The following MGAT5B variants were observed in gnomAD, a reference collection of about 807,000 sequenced individuals.
MGAT5B encodes N-acetylglucosaminyl-transferase Vb.
A neutral mutation model predicts 95.1 loss-of-function variants in MGAT5B; 54 were observed. That is an observed-to-expected ratio of 0.57 (90% CI 0.46 to 0.71). MGAT5B has a LOEUF of 0.71. Ranked by LOEUF, MGAT5B falls within the 30% of genes least tolerant of loss-of-function variation. The probability of loss-of-function intolerance (pLI) is 0.00; values close to 1 mark genes in which losing one functional copy is unlikely to be tolerated. For missense variants in MGAT5B, 935 were observed against 1,088.6 expected, an observed-to-expected ratio of 0.86 and a Z score of 1.99; for synonymous variants, 464 against 451.0, an observed-to-expected ratio of 1.03 and a Z score of -0.36.
In MGAT5B at chr17:76,916,809, G is replaced by A. The variant is rs1388535769; in HGVS notation, c.1026-8157G>A. 4.6e-5 allele frequency among the ~76,000 whole-genome samples: 7 copies of A among 152,154 alleles called. No individual in the cohort carries two copies. Among genetic ancestry groups the A allele is most frequent in the South Asian group, 2.1e-4 (1 of 4,820 alleles). ...TCTGCCAAGGACAGACCAAGAGAGC[G>A]TCTTGTCAGATGGTGGCTGGAGAGG... On this transcript the variant is annotated intron_variant, in intron 8 of 17. Coordinates refer to ENST00000569840, the MANE Select transcript of MGAT5B (RefSeq NM_001199172.2). The surrounding 1 kb of genome is among the most constrained non-coding windows in gnomAD (Gnocchi z 5.3).
At chr17:76,885,875 A>T (rs1348880008) in intron 3 of MGAT5B, among the ~76,000 whole-genome samples, 1 of 152,154 alleles carries the variant, frequency 6.6e-6, no homozygotes, top group Non-Finnish European at 1.5e-5. Flanking sequence ...ATCCTGCAGG[A>T]GTGCCTGCTG....
At chr17:76,880,940 G>T (rs140387110) in intron 2 of MGAT5B, among the ~76,000 whole-genome samples, 13 of 152,270 alleles carry the variant, frequency 8.5e-5, no homozygotes, top group African/African-American at 2.9e-4. Context: ...CCAACCCACG[G>T]CATCCTCCAT....
intron 1 of MGAT5B, among the ~76,000 whole-genome samples, chr17:76,871,345 G>A (rs1044280301): frequency 3.3e-5 from 5 of 152,102 alleles, no homozygotes; most frequent in South Asian, 4.2e-4. Context: ...GCGTCCCTCT[G>A]CGCTAAGGAA....
At chr17:76,910,027 G>A (rs1968674440) in intron 8 of MGAT5B, among the ~76,000 whole-genome samples, 2 of 152,158 alleles carry the variant, frequency 1.3e-5, no homozygotes, top group African/African-American at 4.8e-5. Context: ...GGGCTCTGGG[G>A]GAGGAAATTC....
Position 76,917,322 on chromosome 17 carries a change from T to G in MGAT5B, c.1026-7644T>G, listed in dbSNP as rs1307782434. ...ATTTCTCAGCTGCCCCTGGCTTCAC[T>G]TTCTTGTTGGGTCTCGGGGGTGCCT... On this transcript the variant is annotated intron_variant, in intron 8 of 17. Coordinates refer to ENST00000569840, the MANE Select transcript of MGAT5B (RefSeq NM_001199172.2). The surrounding 1 kb of genome is among the most constrained non-coding windows in gnomAD (Gnocchi z 6.1). 6.6e-6 allele frequency among the ~76,000 whole-genome samples: 1 copy of G among 151,740 alleles called. No individual in the cohort carries two copies. Among genetic ancestry groups the G allele is most frequent in the Non-Finnish European group, 1.5e-5 (1 of 67,942 alleles).
chr17:76,924,971 TA>T lies in MGAT5B; in HGVS notation c.1032del (p.Val346TyrfsTer29). On this transcript the variant is annotated frameshift_variant, in exon 9 of 18. Transcript: ENST00000569840. LOFTEE classifies it high-confidence loss of function. ...TVSLKELQSNLGVPPGRGSCP... is the reference protein window; with the variant it reads ...TVSLKELQSNXGVPPGRGSCP... ...CTGAAGGGCTCTTCTCTCAGTAACT[TA>T]GGGGTACCGCCAGGCCGGGGAAGCT... 1 of 1,611,912 alleles carries T rather than the reference TA, an allele frequency of 6.2e-7. No individual in the cohort carries two copies.
intron 2 of MGAT5B, among the ~76,000 whole-genome samples, chr17:76,874,996 G>A (rs1266808027): frequency 2.0e-5 from 3 of 152,080 alleles, no homozygotes; most frequent in African/African-American, 7.2e-5. Flanking sequence ...CTTTTTAATG[G>A]GGTATCATAT....
rs184207807 is a variant in MGAT5B, at chr17:76,915,208, G to A, written c.1025+9021G>A. 3.5e-4 allele frequency among the ~76,000 whole-genome samples: 54 copies of A among 152,210 alleles called. No individual in the cohort carries two copies. Among genetic ancestry groups the A allele is most frequent in the African/African-American group, 1.3e-3 (53 of 41,464 alleles). ...CAGTAGGGAGGTTGTGGACATAGGAGGGAGAGAGTATTGCTGGCAGTGGCT... is the reference window on the plus strand; with the variant it reads ...CAGTAGGGAGGTTGTGGACATAGGAAGGAGAGAGTATTGCTGGCAGTGGCT... On this transcript the variant is annotated intron_variant, in intron 8 of 17. Coordinates refer to ENST00000569840, the MANE Select transcript of MGAT5B (RefSeq NM_001199172.2). This position sits in a 1 kb window ranked among gnomAD's most constrained non-coding sequence, Gnocchi z 8.7.
intron 10 of MGAT5B, among the ~76,000 whole-genome samples, chr17:76,931,305 C>A (rs2145253217): frequency 6.6e-6 from 1 of 152,310 alleles, no homozygotes; most frequent in Admixed American, 6.5e-5. Context: ...CCACGTTGGC[C>A]AGGCTGGTCT....
Position 76,924,969 on chromosome 17 carries a change from C to T in MGAT5B, c.1029C>T (p.Asn343=), listed in dbSNP as rs749385081. The change falls in exon 9 of 18, where the codon AAC becomes AAT. Residue 343 remains asparagine (N), a synonymous_variant. Coordinates refer to ENST00000569840, the MANE Select transcript of MGAT5B (RefSeq NM_001199172.2). ...VTVSLKELQS[N]LGVPPGRGSC... is the part of the protein sequence containing the mutation. ...ATCTGAAGGGCTCTTCTCTCAGTAA[C>T]TTAGGGGTACCGCCAGGCCGGGGAA... 1.9e-6 allele frequency: 3 copies of T among 1,612,100 alleles called. No homozygotes were observed. Among genetic ancestry groups the T allele is most frequent in the South Asian group, 1.1e-5 (1 of 91,062 alleles).
intron 4 of MGAT5B, among the ~76,000 whole-genome samples, chr17:76,902,906 G>T (rs919047938): frequency 2.0e-5 from 3 of 152,180 alleles, no homozygotes; most frequent in African/African-American, 7.2e-5. Flanking sequence ...AGCTTCTGGG[G>T]TCCACAGTTC....
intron 12 of MGAT5B, among the ~76,000 whole-genome samples, chr17:76,936,829 T>G (rs2145267649): frequency 6.6e-6 from 1 of 152,328 alleles, no homozygotes; most frequent in Non-Finnish European, 1.5e-5. Context: ...TACCACACTA[T>G]CTGGATTACT....
chr17:76,924,867 C>A, intron 8 of MGAT5B, 99 bp from the exon 9 acceptor site: 1 of 1,441,292 alleles, frequency 6.9e-7, no homozygotes, highest in Non-Finnish European at 9.6e-7. Context: ...GCTAAGCTCT[C>A]TGCACTTGTA....
chr17:76,926,672 C>A lies in MGAT5B; in HGVS notation c.1233C>A (p.Gly411=), dbSNP rs1182517966. The A allele has an allele frequency of 1.2e-6, 2 of 1,612,662 alleles. No individual in the cohort carries two copies. Among genetic ancestry groups the A allele is most frequent in the African/African-American group, 2.7e-5 (2 of 74,938 alleles). ...ACGAGGAGTACGCCACGCTGCACGG[C>A]TACCGGACCAACTGGGGCTACTGGA... is the stretch of plus-strand genomic sequence containing the variant. ...YNHEEYATLH[G]YRTNWGYWNL... The change falls in exon 10 of 18, where the codon GGC becomes GGA. Residue 411 remains glycine (G), a synonymous_variant. Coordinates refer to ENST00000569840, the MANE Select transcript of MGAT5B (RefSeq NM_001199172.2).
chr17:76,946,326 C>T (rs767176105), intron 15 of MGAT5B, 50 bp from the exon 16 acceptor site: 16 of 1,517,806 alleles, frequency 1.1e-5, no homozygotes, highest in South Asian at 3.6e-5. Flanking sequence ...GCAGGGCCCC[C>T]GACGGCTGGG....
chr17:76,917,226 G>A lies in MGAT5B; in HGVS notation c.1026-7740G>A, dbSNP rs187428458. 8.7e-4 allele frequency among the ~76,000 whole-genome samples: 132 copies of A among 152,316 alleles called. No individual in the cohort carries two copies. The highest frequency in any genetic ancestry group is 1.3e-3 in the Non-Finnish European group (91 of 68,030). On this transcript the variant is annotated intron_variant, in intron 8 of 17. Coordinates refer to ENST00000569840, the MANE Select transcript of MGAT5B (RefSeq NM_001199172.2). This position sits in a 1 kb window ranked among gnomAD's most constrained non-coding sequence, Gnocchi z 6.1. ...TACGAGTGCGCTGACTGATGAGCCAGGCAGGTCCGAATGTTCCTCGAAGTC... is the reference window on the plus strand; with the variant it reads ...TACGAGTGCGCTGACTGATGAGCCAAGCAGGTCCGAATGTTCCTCGAAGTC...
chr17:76,932,083 CCT>C lies in MGAT5B; in HGVS notation c.1292-560_1292-559del, dbSNP rs1491034363. 1.4e-3 allele frequency among the ~76,000 whole-genome samples: 89 copies of C among 64,568 alleles called. 1 individual carries two copies. In the East Asian group the frequency reaches 0.021, roughly 15 times the overall value. The allele number at this position is 64,568 out of a possible 152,430, so 42.4% of individuals were successfully genotyped here. ...CTCCTTTTTTCCTCCTCCTCCTCCT[CCT>C]CCCCCCCCCCTTCTTCGTCTTTGTC... On this transcript the variant is annotated intron_variant, in intron 10 of 17. Transcript: ENST00000569840.
In MGAT5B at chr17:76,905,253, A is replaced by G. The variant is rs942582562; in HGVS notation, c.775A>G (p.Lys259Glu). The part of the protein sequence containing the change: ...ESLIFMKKRT[K>E]RLTAQWALAA... ...CCTGATCTTCATGAAGAAGCGGACC[A>G]AGAGGCTCACAGCCCAGTGGGCGCT... The change falls in exon 7 of 18, where the codon AAG becomes GAG. Residue 259 changes from lysine (K) to glutamate (E), a missense_variant. Lys to Glu is a moderately conservative substitution (Grantham distance 56, BLOSUM62 1). This residue lies in a region of MGAT5B where 243 missense variants were observed against 305.5 expected (regional missense o/e 0.80). Coordinates refer to ENST00000569840, the MANE Select transcript of MGAT5B (RefSeq NM_001199172.2). This position sits in a 1 kb window ranked among gnomAD's most constrained non-coding sequence, Gnocchi z 4.2. 2 of 1,613,024 alleles carry G rather than the reference A, an allele frequency of 1.2e-6. No homozygotes were observed. The highest frequency in any genetic ancestry group is 2.7e-5 in the African/African-American group (2 of 74,938).
intron 3 of MGAT5B, among the ~76,000 whole-genome samples, chr17:76,887,795 G>A (rs1212750512): frequency 6.6e-6 from 1 of 151,770 alleles, no homozygotes; most frequent in African/African-American, 2.4e-5. Context: ...GACCTCATGT[G>A]ATCTGCCCGC....
Sources: gnomAD v4.1 joint callset for allele counts (sites outside exome capture counted in the v4.1 genomes callset) on GRCh38, gnomAD v4.1.1 for gene constraint, gnomAD v4.1.1 regional missense constraint, Gnocchi (gnomAD v3.1) non-coding constraint, MANE v1.5 for transcripts, NCBI Gene and HGNC (gene_info 2026-07-23, HGNC 2026-07-21) for gene names.